The following SYN2 variants were observed in gnomAD, a reference collection of about 807,000 sequenced individuals.
The protein encoded by SYN2 is synapsin II.
SYN2 carries 19 observed loss-of-function variants against 50.9 expected under a neutral mutation model. The ratio of observed to expected loss-of-function variants is 0.37; its 90% CI spans 0.26 to 0.55. The LOEUF is 0.55. SYN2 is among the 20% of genes least tolerant of loss of function. SYN2 has a pLI of 0.81. For missense variants in SYN2, 587 were observed against 576.4 expected (o/e 1.02, Z -0.19); for synonymous variants, 255 against 224.9 (o/e 1.13, Z -1.20).
chr3:12,191,517 G>C lies in SYN2; in HGVS notation c.*892G>C, dbSNP rs1465662976. 2 of 152,224 alleles carry C rather than the reference G, an allele frequency of 1.3e-5. No individual in the cohort carries two copies. Among genetic ancestry groups the C allele is most frequent in the Admixed American group, 6.6e-5 (1 of 15,250 alleles). The allele number at this position is 152,224 out of a possible 1,614,324, so 9.4% of individuals were successfully genotyped here. ...TTGAGTGTAGGGAGTGAAAAATCTA[G>C]GTGTGTGAAGCTGTTTGTGTCAGTT... On this transcript the variant is annotated 3_prime_UTR_variant, in exon 13 of 13. Coordinates refer to ENST00000621198, the MANE Select transcript of SYN2 (RefSeq NM_133625.6).
intron 1 of SYN2, chr3:12,070,304 C>T (rs1379532922): frequency 1.6e-5 from 8 of 499,576 alleles, no homozygotes; most frequent in Admixed American, 1.3e-4. Flanking sequence ...GACGACGCCC[C>T]CTGAGCCGTG....
At chr3:12,154,349 T>C (rs767664307) in intron 5 of SYN2, 1 of 1,614,162 alleles carries the variant, frequency 6.2e-7, no homozygotes, top group African/African-American at 1.3e-5. Context: ...GTTCAGATGG[T>C]AGTGATGATT....
chr3:12,184,511 GT>G (rs1293507865), intron 11 of SYN2: 3 of 985,818 alleles, frequency 3.0e-6, no homozygotes, highest in Non-Finnish European at 3.6e-6. Context: ...AATGTCCCAT[GT>G]CACTTGAGTG....
At chr3:12,070,500 A>T in intron 1 of SYN2, 1 of 690,356 alleles carries the variant, frequency 1.4e-6, no homozygotes. Flanking sequence ...TTGGCACCAC[A>T]CCTTCTACAG....
chr3:12,029,827 G>A (rs1198174622), intron 1 of SYN2, among the ~76,000 whole-genome samples: 3 of 94,482 alleles, frequency 3.2e-5, no homozygotes, highest in Non-Finnish European at 5.7e-5. Flanking sequence ...CTGCAAACAG[G>A]GACAATTTGA....
At chr3:12,105,522 TAG>T (rs1696166929) in intron 1 of SYN2, among the ~76,000 whole-genome samples, 1 of 142,572 alleles carries the variant, frequency 7.0e-6, no homozygotes, top group Admixed American at 6.9e-5. Context: ...GTGTTTGTCC[TAG>T]GTAGCCCCTG....
chr3:12,047,032 C>T (rs1170799730), intron 1 of SYN2, among the ~76,000 whole-genome samples: 1 of 152,036 alleles, frequency 6.6e-6, no homozygotes, highest in African/African-American at 2.4e-5. Flanking sequence ...CATGACTGTT[C>T]CATATCAAGA....
At chr3:12,143,361 GT>G in intron 3 of SYN2, among the ~76,000 whole-genome samples, 1 of 152,278 alleles carries the variant, frequency 6.6e-6, no homozygotes, top group Admixed American at 6.5e-5. Flanking sequence ...TAATGGTGAA[GT>G]TTGGGGTTCT....
chr3:12,136,361 G>A (rs1222578666), intron 1 of SYN2, among the ~76,000 whole-genome samples: 1 of 152,128 alleles, frequency 6.6e-6, no homozygotes, highest in Non-Finnish European at 1.5e-5. Flanking sequence ...GTACATCACA[G>A]GTGTTCACTA....
intron 1 of SYN2, among the ~76,000 whole-genome samples, chr3:12,118,037 G>A (rs955863071): frequency 2.4e-4 from 37 of 152,324 alleles, no homozygotes; most frequent in African/African-American, 8.9e-4. Flanking sequence ...AAAGGAAGAT[G>A]AGTGATGTTT....
chr3:12,050,068 T>G (rs1694822498), intron 1 of SYN2, among the ~76,000 whole-genome samples: 1 of 151,690 alleles, frequency 6.6e-6, no homozygotes, highest in African/African-American at 2.4e-5. Context: ...CCCGGCTAAT[T>G]TTTTGTATTT....
intron 1 of SYN2, among the ~76,000 whole-genome samples, chr3:12,043,893 G>C (rs1694675005): frequency 6.6e-6 from 1 of 151,980 alleles, no homozygotes; most frequent in African/African-American, 2.4e-5. Flanking sequence ...TCTCTCAACT[G>C]AACCTCCATA....
chr3:12,027,725 G>A (rs1009102144), intron 1 of SYN2, among the ~76,000 whole-genome samples: 3 of 152,138 alleles, frequency 2.0e-5, no homozygotes, highest in Non-Finnish European at 4.4e-5. Flanking sequence ...TTAGAAAGTG[G>A]TGAATGAGGA....
At chr3:12,134,181 T>A (rs1214945689) in intron 1 of SYN2, among the ~76,000 whole-genome samples, 1 of 152,214 alleles carries the variant, frequency 6.6e-6, no homozygotes, top group Non-Finnish European at 1.5e-5. Flanking sequence ...AATGACATGA[T>A]GTTTGGGACT....
chr3:12,116,813 G>A (rs1458081647), intron 1 of SYN2, among the ~76,000 whole-genome samples: 1 of 152,056 alleles, frequency 6.6e-6, no homozygotes, highest in African/African-American at 2.4e-5. Flanking sequence ...TATAGTGGCA[G>A]GATCATAGCT....
intron 1 of SYN2, among the ~76,000 whole-genome samples, chr3:12,013,554 T>C (rs1363360225): frequency 6.6e-6 from 1 of 152,196 alleles, no homozygotes; most frequent in African/African-American, 2.4e-5. Context: ...TTAAGAGTCG[T>C]TTGATCCAAT....
intron 1 of SYN2, 112 bp from the exon 2 acceptor site, chr3:12,140,539 T>G: frequency 1.4e-6 from 1 of 710,446 alleles, no homozygotes; most frequent in Non-Finnish European, 2.6e-6. Flanking sequence ...CCAGGTCTCT[T>G]GACCCTCATT....
intron 1 of SYN2, among the ~76,000 whole-genome samples, chr3:12,110,687 A>G (rs167436): frequency 0.1 from 15,688 of 152,258 alleles, 1,180 homozygotes; most frequent in Admixed American, 0.21. Flanking sequence ...GGCCCGGCCC[A>G]TGAAACTATT....
Position 12,074,443 on chromosome 3 carries a change from A to G in SYN2, c.378-66208A>G, listed in dbSNP as rs137914791. On this transcript the variant is annotated intron_variant, in intron 1 of 12. Transcript: ENST00000621198. ...AGCCCTCCCACTCTTTTTTCAGTCC[A>G]TTAATTTGGAAGTTATATATTCTGT... 2.2e-4 allele frequency among the ~76,000 whole-genome samples: 34 copies of G among 152,068 alleles called. 1 individual carries two copies. Among genetic ancestry groups the G allele is most frequent in the Admixed American group, 3.9e-4 (6 of 15,262 alleles).
Sources: gnomAD v4.1 joint callset for allele counts (sites outside exome capture counted in the v4.1 genomes callset) on GRCh38, gnomAD v4.1.1 for gene constraint, MANE v1.5 for transcripts, NCBI Gene and HGNC (gene_info 2026-07-23, HGNC 2026-07-21) for gene names.